Variants in TTYH3 observed in about 807,000 individuals in gnomAD.
TTYH3 encodes protein tweety homolog 3.
Under a neutral mutation model 68.2 loss-of-function variants are expected in TTYH3, and 23 were observed. The observed-to-expected ratio is 0.34, with a 90% confidence interval of 0.24 to 0.48. TTYH3 has a LOEUF of 0.48. TTYH3 is among the 20% of genes least tolerant of loss of function. The pLI, the probability that TTYH3 is intolerant of heterozygous loss-of-function variation, is 0.99. For missense variants in TTYH3, 768 were observed against 727.7 expected, an observed-to-expected ratio of 1.06 and a Z score of -0.64; for synonymous variants, 360 against 332.8, an observed-to-expected ratio of 1.08 and a Z score of -0.89.
At position 2,652,898 on chromosome 7, in the gene TTYH3, T is replaced by G; in HGVS notation, c.928-20T>G. 6.5e-7 allele frequency: 1 copy of G among 1,549,546 alleles called. No homozygotes were observed. On this transcript the variant is annotated intron_variant, in intron 8 of 13. Transcript: ENST00000258796. ...GCGGACCCAGCAGCGCCCATGGACT[T>G]GGTCTCCTCTCTGGAGCAGAAGCTG...
rs142240668 is a variant in TTYH3 at position 2,656,418 on chromosome 7, C to G, written c.1134C>G (p.Thr378=). The G allele has an allele frequency of 1.9e-6, 3 of 1,611,034 alleles. No homozygotes were observed. Among genetic ancestry groups the G allele is most frequent in the Non-Finnish European group, 1.7e-6 (2 of 1,179,592 alleles). Residue 378 remains threonine (T), a synonymous_variant, in exon 11 of 14, where the codon ACC becomes ACG. Coordinates refer to ENST00000258796, the MANE Select transcript of TTYH3 (RefSeq NM_025250.3). ...SLHLDYVQAL[T]GFCYDGVEGL... Reference sequence around the variant, plus strand: ...CTCAGGACTACGTGCAAGCGCTGACCGGCTTCTGCTATGACGGCGTGGAGG... The same window carrying G: ...CTCAGGACTACGTGCAAGCGCTGACGGGCTTCTGCTATGACGGCGTGGAGG...
intron 13 of TTYH3, chr7:2,659,931 C>T (rs1786445025): frequency 8.4e-6 from 11 of 1,302,046 alleles, no homozygotes; most frequent in South Asian, 1.2e-5. Flanking sequence ...CCACCCCGGG[C>T]CCTCCTAGCG....
intron 1 of TTYH3, among the ~76,000 whole-genome samples, chr7:2,640,758 C>T (rs1440270609): frequency 6.7e-6 from 1 of 149,546 alleles, no homozygotes; most frequent in Non-Finnish European, 1.5e-5. Context: ...ACAGGCCTCA[C>T]AGCTGCTCGT....
intron 2 of TTYH3, 48 bp from the exon 3 acceptor site, chr7:2,647,094 G>T (rs1333849165): frequency 4.5e-6 from 7 of 1,542,800 alleles, no homozygotes; most frequent in Admixed American, 1.9e-5. Flanking sequence ...CTGGAGTGGG[G>T]TGTGTGTGGG....
intron 5 of TTYH3, 120 bp downstream of exon 5, chr7:2,648,174 G>C (rs1037222745): frequency 6.4e-6 from 6 of 939,778 alleles, no homozygotes; most frequent in Non-Finnish European, 1.6e-6. Context: ...GGTGGGGGCT[G>C]AGCGGGACCC....
intron 1 of TTYH3, among the ~76,000 whole-genome samples, chr7:2,636,306 A>G (rs1462177212): frequency 6.6e-6 from 1 of 152,168 alleles, no homozygotes; most frequent in African/African-American, 2.4e-5. Context: ...CTGTCTTGTC[A>G]TTTACGAAAG....
At chr7:2,640,215 C>T (rs1785800474) in intron 1 of TTYH3, among the ~76,000 whole-genome samples, 1 of 152,204 alleles carries the variant, frequency 6.6e-6, no homozygotes, top group African/African-American at 2.4e-5. Context: ...GAGGCTGCAT[C>T]GGGCCAAACT....
chr7:2,632,850 G>T (rs959342084), intron 1 of TTYH3, among the ~76,000 whole-genome samples: 3 of 152,240 alleles, frequency 2.0e-5, no homozygotes, highest in Non-Finnish European at 4.4e-5. Context: ...CTCTGTGGCC[G>T]GTAATGACCC....
At position 2,632,066 on chromosome 7, in the gene TTYH3, G is replaced by C. The variant is rs1012980493; in HGVS notation, c.-90G>C. On this transcript the variant is annotated 5_prime_UTR_variant, in exon 1 of 14. Coordinates refer to ENST00000258796, the MANE Select transcript of TTYH3 (RefSeq NM_025250.3). The stretch of plus-strand genomic sequence containing the variant: ...GCGCGGATGATGCGGGCGGCCAGGC[G>C]GGGGTCGACGGGTCCCTGAAGCCCG... 1 of 1,160,042 alleles carries C rather than the reference G, an allele frequency of 8.6e-7. No individual in the cohort carries two copies. The highest frequency in any genetic ancestry group is 1.1e-6 in the Non-Finnish European group (1 of 931,126). 71.9% of individuals were successfully genotyped at this position (1,160,042 alleles called of 1,614,324 possible).
chr7:2,664,629 G>A lies in TTYH3; in HGVS notation c.*2890G>A, dbSNP rs1214992754. On this transcript the variant is annotated 3_prime_UTR_variant, in exon 14 of 14. Transcript: ENST00000258796. Reference sequence around the variant, plus strand: ...CCTCCTCCAGCCTCTGTAGGGCCATGGCTGTATGTACTGTCGCTGTGTTTT... The same window carrying A: ...CCTCCTCCAGCCTCTGTAGGGCCATAGCTGTATGTACTGTCGCTGTGTTTT... The A allele has an allele frequency of 6.6e-6, 1 of 152,278 alleles. No homozygotes were observed. The highest frequency in any genetic ancestry group is 1.5e-5 in the Non-Finnish European group (1 of 68,008). 9.4% of individuals were successfully genotyped at this position (152,278 alleles called of 1,614,324 possible). A position where few individuals can be genotyped will look rare whatever the true frequency, so the allele number is the denominator to read the frequency against.
chr7:2,648,121 C>A, intron 5 of TTYH3, 67 bp downstream of exon 5: 2 of 1,460,744 alleles, frequency 1.4e-6, no homozygotes, highest in South Asian at 2.4e-5. Flanking sequence ...ACCATGTTAC[C>A]CCTTCCCCCA....
chr7:2,639,379 T>TGTTGCGGTA (rs1232631047), intron 1 of TTYH3, among the ~76,000 whole-genome samples: 1 of 152,138 alleles, frequency 6.6e-6, no homozygotes. Context: ...AAGAGTGCCC[T>TGTTGCGGTA]CCCCCACCTG....
chr7:2,640,370 C>G lies in TTYH3; in HGVS notation c.124-6483C>G, dbSNP rs117338708. Among the ~76,000 whole-genome samples the G allele has an allele frequency of 4.6e-3, 699 of 151,922 alleles. 8 individuals carry two copies. The highest frequency in any genetic ancestry group is 0.013 in the East Asian group (68 of 5,154). On this transcript the variant is annotated intron_variant, in intron 1 of 13. Transcript: ENST00000258796. ...AGCGGGGTGGGCAGCTGCTCCCAGGCGTGTGCATGTAGAGCAGCCGCCTGT... is the reference window on the plus strand; with the variant it reads ...AGCGGGGTGGGCAGCTGCTCCCAGGGGTGTGCATGTAGAGCAGCCGCCTGT...
intron 7 of TTYH3, 96 bp from the exon 8 acceptor site, chr7:2,652,091 A>G (rs1786196974): frequency 9.6e-7 from 1 of 1,038,412 alleles, no homozygotes. Flanking sequence ...ATGCACGCAG[A>G]TGCCCTGAAG....
intron 7 of TTYH3, 101 bp downstream of exon 7, chr7:2,650,089 C>T (rs1449253318): frequency 8.0e-7 from 1 of 1,252,386 alleles, no homozygotes; most frequent in Non-Finnish European, 1.1e-6. Flanking sequence ...CCCTGTGGGT[C>T]CATGGTCTCA....
chr7:2,657,824 C>T lies in TTYH3; in HGVS notation c.1251-462C>T, dbSNP rs1485751817. On this transcript the variant is annotated intron_variant, in intron 11 of 13. Transcript: ENST00000258796. ...TGGGACCTCCTGGGGCGTGGAGGCTCCAAAGTGCCAGAGGCTCGCGCAGAG... is the reference window on the plus strand; with the variant it reads ...TGGGACCTCCTGGGGCGTGGAGGCTTCAAAGTGCCAGAGGCTCGCGCAGAG... Among the ~76,000 whole-genome samples, 3 of 152,218 alleles carry T rather than the reference C, an allele frequency of 2.0e-5. No homozygotes were observed. In the East Asian group the frequency reaches 5.8e-4, roughly 29 times the overall value.
chr7:2,661,517 C>T (rs1786495921), intron 13 of TTYH3, 151 bp from the exon 14 acceptor site: 1 of 769,986 alleles, frequency 1.3e-6, no homozygotes, highest in South Asian at 1.7e-5. Context: ...CTCCTTAGCC[C>T]CTCCCTATAG....
At chr7:2,654,532 A>G (rs1311305093) in intron 9 of TTYH3, among the ~76,000 whole-genome samples, 1 of 152,226 alleles carries the variant, frequency 6.6e-6, no homozygotes, top group Non-Finnish European at 1.5e-5. Flanking sequence ...AATTTCTGTT[A>G]CAGCTAGAGC....
At position 2,661,566 on chromosome 7, in the gene TTYH3, C is replaced by A. The variant is rs79701823; in HGVS notation, c.1501-102C>A. ...ACCCTGTACTGTCCCATTCTGCCCC[C>A]AGGGCTGTTGGCTCAGCCAAGTGAG... is the stretch of plus-strand genomic sequence containing the variant. On this transcript the variant is annotated intron_variant, in intron 13 of 13. Transcript: ENST00000258796. The A allele has an allele frequency of 7.6e-3, 8,922 of 1,170,698 alleles. 474 individuals are homozygous for A. In the African/African-American group the frequency reaches 0.12, roughly 15 times the overall value. The allele number at this position is 1,170,698 out of a possible 1,614,324, so 72.5% of individuals were successfully genotyped here.
Sources: gnomAD v4.1 joint callset for allele counts (sites outside exome capture counted in the v4.1 genomes callset) on GRCh38, gnomAD v4.1.1 for gene constraint, MANE v1.5 for transcripts, NCBI Gene and HGNC (gene_info 2026-07-23, HGNC 2026-07-21) for gene names.